AHRR: variants seen among roughly 807,000 people sequenced by gnomAD.
The protein encoded by AHRR is ahR repressor.
AHRR carries 28 observed loss-of-function variants against 44.0 expected under a neutral mutation model. The ratio of observed to expected loss-of-function variants is 0.64; its 90% CI spans 0.47 to 0.87. AHRR has a LOEUF of 0.87. AHRR is among the 40% of genes least tolerant of loss of function. AHRR has a pLI of 0.00. For missense variants in AHRR, 990 were observed against 953.9 expected, an observed-to-expected ratio of 1.04 and a Z score of -0.50; for synonymous variants, 434 against 407.0, an observed-to-expected ratio of 1.07 and a Z score of -0.80.
rs963479543 is a variant in AHRR at position 326,369 on chromosome 5, C to T, written c.-11+4550C>T. ...GTCCTTCTGTGTCCAGCTTCTTTCA[C>T]GCATCACAGCGTTTTTAGGGTCCAT... On this transcript the variant is annotated intron_variant, in intron 1 of 10. Coordinates refer to ENST00000684583, the MANE Select transcript of AHRR (RefSeq NM_001377236.1). This position sits in a 1 kb window ranked among gnomAD's most constrained non-coding sequence, Gnocchi z 4.1. 2.0e-5 allele frequency among the ~76,000 whole-genome samples: 3 copies of T among 152,358 alleles called. No homozygotes were observed. The highest frequency in any genetic ancestry group is 2.1e-4 in the South Asian group (1 of 4,826).
intron 1 of AHRR, among the ~76,000 whole-genome samples, chr5:340,688 A>ATATATATATATATATATATTTTTTTT (rs1269938749): frequency 7.7e-5 from 1 of 12,928 alleles, no homozygotes; most frequent in African/African-American, 4.0e-4. Flanking sequence ...ATATATATAT[A>ATATATATATATATATATATTTTTTTT]TTTTTTTTTT....
chr5:384,163 C>T (rs1447173721), intron 4 of AHRR, among the ~76,000 whole-genome samples: 5 of 151,864 alleles, frequency 3.3e-5, no homozygotes, highest in African/African-American at 9.7e-5. Flanking sequence ...TTTTTGTTCT[C>T]CTCTTTCATC....
At chr5:426,606 G>A (rs999812403) in intron 7 of AHRR, among the ~76,000 whole-genome samples, 1 of 125,752 alleles carries the variant, frequency 8.0e-6, no homozygotes, top group East Asian at 2.0e-4. Flanking sequence ...CAAATGGAAA[G>A]ATGGATGGAT....
chr5:434,370 G>A lies in AHRR; in HGVS notation c.1630G>A (p.Ala544Thr), dbSNP rs756651611. The change falls in exon 11 of 11, where the codon GCT (alanine) becomes ACT (threonine). Residue 544 changes from alanine to threonine, a missense_variant. Coordinates refer to ENST00000684583, the MANE Select transcript of AHRR (RefSeq NM_001377236.1). Reference sequence around the variant, plus strand: ...GGAGAAGGACTCTGGGTGTGAGGGTGCTGCAGACGGCTGTGTGCCCAGCCA... The same window carrying A: ...GGAGAAGGACTCTGGGTGTGAGGGTACTGCAGACGGCTGTGTGCCCAGCCA... ...KMEKDSGCEG[A>T]ADGCVPSQVW... 1 of 1,613,502 alleles carries A rather than the reference G, an allele frequency of 6.2e-7. No individual in the cohort carries two copies. The highest frequency in any genetic ancestry group is 8.5e-7 in the Non-Finnish European group (1 of 1,179,964).
rs1743529456 is a variant in AHRR at position 370,293 on chromosome 5, A to G, written c.245-6317A>G. Among the ~76,000 whole-genome samples the G allele has an allele frequency of 6.6e-6, 1 of 151,426 alleles. No homozygotes were observed. Among genetic ancestry groups the G allele is most frequent in the Non-Finnish European group, 1.5e-5 (1 of 67,956 alleles). ...CCCTCGCTGGAAGCTCTGCTCATTT[A>G]CTCCCCGTGTTACGGTTGTGCAGCA... On this transcript the variant is annotated intron_variant, in intron 3 of 10. Coordinates refer to ENST00000684583, the MANE Select transcript of AHRR (RefSeq NM_001377236.1). This position sits in a 1 kb window ranked among gnomAD's most constrained non-coding sequence, Gnocchi z 4.5.
chr5:415,387 G>A (rs1735699369), intron 5 of AHRR, among the ~76,000 whole-genome samples: 2 of 140,646 alleles, frequency 1.4e-5, no homozygotes, highest in African/African-American at 5.4e-5. Flanking sequence ...GGGAGGCCTA[G>A]GGGCCGAGTC....
At chr5:433,744 A>C (rs1736849566) in intron 10 of AHRR, 109 bp from the exon 11 acceptor site, 2 of 1,265,102 alleles carry the variant, frequency 1.6e-6, no homozygotes, top group African/African-American at 3.2e-5. Flanking sequence ...CAGCCTTGGC[A>C]GATTTAGCAT....
At position 388,208 on chromosome 5, in the gene AHRR, C is replaced by T. The variant is rs530079113; in HGVS notation, c.351+11492C>T. ...TGCTTACCTCACAGCTCTATCGTAC[C>T]AGACAGGGGAAAGCTCAGGTTGGAA... On this transcript the variant is annotated intron_variant, in intron 4 of 10. Coordinates refer to ENST00000684583, the MANE Select transcript of AHRR (RefSeq NM_001377236.1). This position sits in a 1 kb window ranked among gnomAD's most constrained non-coding sequence, Gnocchi z 5.2. Among the ~76,000 whole-genome samples, 2 of 152,180 alleles carry T rather than the reference C, an allele frequency of 1.3e-5. No homozygotes were observed. The highest frequency in any genetic ancestry group is 2.4e-5 in the African/African-American group (1 of 41,442).
At chr5:421,360 G>A (rs1579699147) in intron 5 of AHRR, 1 of 678,654 alleles carries the variant, frequency 1.5e-6, no homozygotes, top group Non-Finnish European at 2.7e-6. Context: ...ATCCCTCCAC[G>A]TGGAGTCCGC....
intron 4 of AHRR, among the ~76,000 whole-genome samples, chr5:403,457 G>A (rs2126497571): frequency 6.6e-6 from 1 of 152,184 alleles, no homozygotes. Context: ...CCAACATGGT[G>A]AAACGCTGTC....
chr5:425,262 C>T (rs1399277115), intron 7 of AHRR, among the ~76,000 whole-genome samples: 1 of 152,248 alleles, frequency 6.6e-6, no homozygotes, highest in Non-Finnish European at 1.5e-5. Flanking sequence ...TCTGTTGCCA[C>T]GCACACGCCC....
At chr5:348,931 A>G (rs1429686615) in intron 2 of AHRR, among the ~76,000 whole-genome samples, 1 of 152,172 alleles carries the variant, frequency 6.6e-6, no homozygotes, top group Admixed American at 6.5e-5. Flanking sequence ...CCATTCCCAG[A>G]CACTGTGTGT....
Position 423,925 on chromosome 5 carries a change from G to A in AHRR, c.656G>A (p.Arg219His), listed in dbSNP as rs1468239934. 3 of 1,602,864 alleles carry A rather than the reference G, an allele frequency of 1.9e-6. No individual in the cohort carries two copies. Among genetic ancestry groups the A allele is most frequent in the Non-Finnish European group, 1.7e-6 (2 of 1,179,928 alleles). Residue 219 changes from arginine to histidine, a missense_variant, in exon 7 of 11, where the codon CGC (arginine) becomes CAC (histidine). Arg to His is a conservative substitution (Grantham distance 29). Coordinates refer to ENST00000684583, the MANE Select transcript of AHRR (RefSeq NM_001377236.1). ...TPTEYSAFLT[R>H]CFICRVRCLL... ...ACCGAGTACTCGGCCTTCCTGACCC[G>A]CTGCTTCATCTGCCGTGTGCGCTGC...
chr5:359,554 G>A (rs1743100770), intron 3 of AHRR, among the ~76,000 whole-genome samples: 1 of 152,222 alleles, frequency 6.6e-6, no homozygotes, highest in African/African-American at 2.4e-5. Context: ...AGGGAGGAGA[G>A]AAGGTGGCAC....
intron 6 of AHRR, 133 bp from the exon 7 acceptor site, chr5:423,708 T>C (rs1250407179): frequency 3.2e-6 from 4 of 1,237,610 alleles, no homozygotes; most frequent in Non-Finnish European, 4.3e-6. Context: ...AGAGGGATGC[T>C]GGGGGCGGGA....
intron 4 of AHRR, among the ~76,000 whole-genome samples, chr5:389,880 CAG>C (rs1409492237): frequency 2.4e-5 from 3 of 126,502 alleles, no homozygotes; most frequent in African/African-American, 9.2e-5. Context: ...GAAGAAAAGA[CAG>C]AGGCAGGAAA....
chr5:361,911 AGACGTTTGGGGCTGTTGGG>A (rs1464920439), intron 3 of AHRR, among the ~76,000 whole-genome samples: 1 of 152,212 alleles, frequency 6.6e-6, no homozygotes, highest in East Asian at 1.9e-4. Context: ...GAATGGGTTA[AGACGTTTGGGGCTGTTGGG>A]ATGGAGTTAA....
At position 432,524 on chromosome 5, in the gene AHRR, G is replaced by T. The variant is rs1342593288; in HGVS notation, c.970G>T (p.Gly324Ter). Residue 324 changes from glycine (G) to a stop codon, truncating the protein, a stop_gained and splice_region_variant, in exon 9 of 11, where the codon GGA (glycine) becomes TGA (stop). Transcript: ENST00000684583. LOFTEE classifies it high-confidence loss of function. ...ELHGKPNYSA[G>*]RSSRESGVLV... ...GCATGGAAAACCCAATTACTCAGCA[G>T]GTACTTAGAACATTTCTTATCTGAT... The T allele has an allele frequency of 6.2e-7, 1 of 1,613,786 alleles. No homozygotes were observed. The highest frequency in any genetic ancestry group is 1.7e-5 in the Admixed American group (1 of 60,026).
At chr5:361,955 G>A (rs1011808679) in intron 3 of AHRR, among the ~76,000 whole-genome samples, 4 of 152,226 alleles carry the variant, frequency 2.6e-5, no homozygotes, top group African/African-American at 7.2e-5. Flanking sequence ...TTTTGCATGT[G>A]AGGACATAAA....
Sources: allele counts gnomAD v4.1 joint callset (sites outside exome capture counted in the v4.1 genomes callset), GRCh38; gene constraint gnomAD v4.1.1; non-coding constraint Gnocchi (gnomAD v3.1); transcripts MANE v1.5; gene names NCBI Gene and HGNC (gene_info 2026-07-23, HGNC 2026-07-21).